The following PTK7 variants were observed in gnomAD, a reference collection of about 807,000 sequenced individuals.
The protein encoded by PTK7 is inactive tyrosine-protein kinase 7.
A neutral mutation model predicts 116.6 loss-of-function variants in PTK7; 39 were observed. That is an observed-to-expected ratio of 0.33 (90% CI 0.26 to 0.44). The LOEUF is 0.44. PTK7 is among the 20% of genes least tolerant of loss of function. The pLI is 1.00. For missense variants in PTK7, 1,169 were observed against 1,425.6 expected (o/e 0.82, Z 2.90); for synonymous variants, 546 against 563.6 (o/e 0.97, Z 0.44).
intron 17 of PTK7, among the ~76,000 whole-genome samples, chr6:43,153,720 G>A (rs893552143): frequency 1.3e-5 from 2 of 151,744 alleles, no homozygotes; most frequent in African/African-American, 4.8e-5. Context: ...AAACAGAATT[G>A]AATTTTAAAT....
Position 43,144,547 on chromosome 6 carries a change from A to G in PTK7, c.2348A>G (p.His783Arg), listed in dbSNP as rs55820547. ...GSGPAATNKR[H>R]STSDKMHFPR... ...GGCCCCGCGGCCACCAACAAACGCC[A>G]CAGCACAAGTGATAAGATGCACTTC... Residue 783 changes from histidine to arginine, a missense_variant, in exon 15 of 20, where the codon CAC becomes CGC. Physicochemically the swap from His to Arg is conservative, Grantham distance 29. Coordinates refer to ENST00000230419, the MANE Select transcript of PTK7 (RefSeq NM_002821.5). The G allele has an allele frequency of 2.3e-5, 37 of 1,614,208 alleles. No individual in the cohort carries two copies. In the East Asian group the frequency reaches 6.2e-4, roughly 27 times the overall value.
At position 43,129,388 on chromosome 6, in the gene PTK7, A is replaced by G; in HGVS notation, c.367+124A>G. On this transcript the variant is annotated intron_variant, in intron 2 of 19. Coordinates refer to ENST00000230419, the MANE Select transcript of PTK7 (RefSeq NM_002821.5). The surrounding 1 kb of genome is among the most constrained non-coding windows in gnomAD (Gnocchi z 4.5). ...TAAACGGGCCAGGCAGAATGCATTT[A>G]TCATCAGCTTTTTTTGCTCATGTGG... 7.9e-7 allele frequency: 1 copy of G among 1,259,328 alleles called. No homozygotes were observed. Among genetic ancestry groups the G allele is most frequent in the Non-Finnish European group, 1.1e-6 (1 of 917,626 alleles). The allele number at this position is 1,259,328 out of a possible 1,614,324, so 78.0% of individuals were successfully genotyped here.
chr6:43,131,970 T>C, intron 5 of PTK7, 46 bp from the exon 6 acceptor site: 1 of 1,610,780 alleles, frequency 6.2e-7, no homozygotes. Context: ...TTTCCAGAAC[T>C]AGGCCTATTG....
chr6:43,156,936 GAAAA>G (rs36001800), intron 17 of PTK7, among the ~76,000 whole-genome samples: 1 of 137,924 alleles, frequency 7.3e-6, no homozygotes, highest in East Asian at 2.1e-4. Flanking sequence ...ACAATGTTGT[GAAAA>G]AAAAAAAAAA....
At chr6:43,157,355 TATATA>T (rs1311139698) in intron 17 of PTK7, among the ~76,000 whole-genome samples, 207 of 9,096 alleles carry the variant, frequency 0.023, 28 homozygotes, top group South Asian at 0.029. Flanking sequence ...TATATATATA[TATATA>T]TATATTTTTT....
intron 1 of PTK7, among the ~76,000 whole-genome samples, chr6:43,081,063 T>C (rs1414039587): frequency 6.6e-6 from 1 of 152,212 alleles, no homozygotes; most frequent in African/African-American, 2.4e-5. Context: ...TTTTACCTAC[T>C]GGGACCCTCC....
intron 1 of PTK7, among the ~76,000 whole-genome samples, chr6:43,088,625 G>A (rs1394714493): frequency 6.6e-6 from 1 of 152,124 alleles, no homozygotes; most frequent in Non-Finnish European, 1.5e-5. Context: ...CTGGGAGGCA[G>A]AGGTTGCAGT....
Position 43,076,698 on chromosome 6 carries a change from G to A in PTK7, c.79+131G>A. ...AGTAGTGGAGAGGCTCGCTGGGGGT[G>A]CAGGCTTGCGGCGGAAGGGCGCAAG... On this transcript the variant is annotated intron_variant, in intron 1 of 19. Coordinates refer to ENST00000230419, the MANE Select transcript of PTK7 (RefSeq NM_002821.5). This position sits in a 1 kb window ranked among gnomAD's most constrained non-coding sequence, Gnocchi z 5.7. 7 of 1,382,542 alleles carry A rather than the reference G, an allele frequency of 5.1e-6. No homozygotes were observed. Among genetic ancestry groups the A allele is most frequent in the East Asian group, 5.5e-5 (2 of 36,186 alleles). 85.6% of individuals were successfully genotyped at this position (1,382,542 alleles called of 1,614,324 possible). A position where few individuals can be genotyped will look rare whatever the true frequency, so the allele number is the denominator to read the frequency against.
intron 17 of PTK7, among the ~76,000 whole-genome samples, chr6:43,158,600 A>G (rs1771655354): frequency 6.6e-6 from 1 of 152,206 alleles, no homozygotes; most frequent in African/African-American, 2.4e-5. Flanking sequence ...GCATGGTGTC[A>G]GGCACTTTAG....
chr6:43,158,073 C>T (rs1238096354), intron 17 of PTK7, among the ~76,000 whole-genome samples: 4 of 151,906 alleles, frequency 2.6e-5, no homozygotes, highest in East Asian at 1.9e-4. Flanking sequence ...CCGAGGCGGG[C>T]GGATCACAAG....
Position 43,141,620 on chromosome 6 carries a change from CTGTG to C in PTK7, c.1619-46_1619-43del. 6.3e-7 allele frequency: 1 copy of C among 1,580,532 alleles called. No homozygotes were observed. The highest frequency in any genetic ancestry group is 1.3e-5 in the African/African-American group (1 of 74,352). On this transcript the variant is annotated intron_variant, in intron 10 of 19. Coordinates refer to ENST00000230419, the MANE Select transcript of PTK7 (RefSeq NM_002821.5). The surrounding 1 kb of genome is among the most constrained non-coding windows in gnomAD (Gnocchi z 4.9). ...AGGGACTGAAGGCATTGCCAGCTGT[CTGTG>C]TAACCCTGATCCTTCCCATAATTTC...
At position 43,159,854 on chromosome 6, in the gene PTK7, G is replaced by T. The variant is rs769984156; in HGVS notation, c.2940G>T (p.Glu980Asp). ...LRWMSPEAIL[E>D]GDFSTKSDVW... is the part of the protein sequence containing the mutation. ...GGATGTCCCCCGAGGCCATCCTGGA[G>T]GGTGACTTCTCTACCAAGTCTGATG... Residue 980 changes from glutamate (E) to aspartate (D), a missense_variant, in exon 19 of 20, where the codon GAG (glutamate) becomes GAT (aspartate). Physicochemically the swap from Glu to Asp is conservative, Grantham distance 45. Coordinates refer to ENST00000230419, the MANE Select transcript of PTK7 (RefSeq NM_002821.5). 18 of 1,614,108 alleles carry T rather than the reference G, an allele frequency of 1.1e-5. No homozygotes were observed. Among genetic ancestry groups the T allele is most frequent in the Non-Finnish European group, 1.5e-5 (18 of 1,180,046 alleles).
chr6:43,114,521 G>A (rs1768384663), intron 1 of PTK7, among the ~76,000 whole-genome samples: 1 of 151,808 alleles, frequency 6.6e-6, no homozygotes, highest in African/African-American at 2.4e-5. Context: ...CTGGAATGGG[G>A]GCACAGCCAG....
At chr6:43,130,998 C>T (rs1769636307) in intron 5 of PTK7, among the ~76,000 whole-genome samples, 2 of 147,994 alleles carry the variant, frequency 1.4e-5, no homozygotes, top group Admixed American at 6.9e-5. Context: ...TGGTCATAGT[C>T]TAGATAGCGT....
intron 17 of PTK7, 80 bp downstream of exon 17, chr6:43,146,778 GCT>G: frequency 1.6e-6 from 2 of 1,240,038 alleles, no homozygotes; most frequent in Non-Finnish European, 1.2e-6. Flanking sequence ...TTTATTGAGG[GCT>G]CTCTATGGGC....
chr6:43,139,556 A>G lies in PTK7; in HGVS notation c.1618+31A>G. The G allele has an allele frequency of 6.2e-7, 1 of 1,612,588 alleles. No individual in the cohort carries two copies. The highest frequency in any genetic ancestry group is 8.5e-7 in the Non-Finnish European group (1 of 1,179,528). ...TACAGTGCCGGCATAGGGTAGGGGC[A>G]GGCAGGCAGTTCACTGATCAGATAC... On this transcript the variant is annotated intron_variant, in intron 10 of 19. Coordinates refer to ENST00000230419, the MANE Select transcript of PTK7 (RefSeq NM_002821.5). The surrounding 1 kb of genome is among the most constrained non-coding windows in gnomAD (Gnocchi z 4.6).
At chr6:43,148,786 C>G (rs530896601) in intron 17 of PTK7, among the ~76,000 whole-genome samples, 124 of 151,862 alleles carry the variant, frequency 8.2e-4, no homozygotes, top group South Asian at 6.2e-4. Context: ...ACAGGCAGGG[C>G]TCAGTGGCTC....
intron 17 of PTK7, among the ~76,000 whole-genome samples, chr6:43,154,400 C>G (rs1771299099): frequency 6.6e-6 from 1 of 151,976 alleles, no homozygotes; most frequent in Non-Finnish European, 1.5e-5. Context: ...TAGGACAGCA[C>G]AGATATAGAC....
At chr6:43,133,109 A>G (rs968026612) in intron 7 of PTK7, 1 of 370,394 alleles carries the variant, frequency 2.7e-6, no homozygotes. Context: ...AAGTAGATGA[A>G]AATGATTTTT....
Sources: allele counts gnomAD v4.1 joint callset (sites outside exome capture counted in the v4.1 genomes callset), GRCh38; gene constraint gnomAD v4.1.1; non-coding constraint Gnocchi (gnomAD v3.1); transcripts MANE v1.5; gene names NCBI Gene and HGNC (gene_info 2026-07-23, HGNC 2026-07-21).